The following FOXP2 variants were observed in gnomAD, a reference collection of about 807,000 sequenced individuals.
FOXP2 encodes forkhead box P2.
In FOXP2, 12 loss-of-function variants were observed where a neutral mutation model predicts 115.8. The observed-to-expected ratio is 0.10, with a 90% CI of 0.07 to 0.17. FOXP2 has a LOEUF of 0.17. FOXP2 is among the 10% of genes least tolerant of loss of function. The pLI is 1.00. For synonymous variants in FOXP2, 328 were observed against 297.7 expected, an observed-to-expected ratio of 1.10 and a Z score of -1.05; for missense variants, 629 against 843.5, an observed-to-expected ratio of 0.75 and a Z score of 3.15.
At position 114,308,057 on chromosome 7, in the gene FOXP2, G is replaced by A. The variant is rs1797057906; in HGVS notation, c.-11+19948G>A. On this transcript the variant is annotated intron_variant, in intron 2 of 17. Transcript: ENST00000634411. ...AGGGTCTAAGGTGTTTTCACTTAGT[G>A]CCGGGATTGTTGCTTTCACTCCATA... 2.0e-5 allele frequency among the ~76,000 whole-genome samples: 3 copies of A among 152,030 alleles called. No homozygotes were observed. The South Asian group carries it at 6.2e-4, about 32-fold the overall frequency.
chr7:114,403,654 T>A (rs1792948088), intron 2 of FOXP2, among the ~76,000 whole-genome samples: 1 of 152,138 alleles, frequency 6.6e-6, no homozygotes, highest in African/African-American at 2.4e-5. Context: ...CTTATCCTTG[T>A]CTCTAGCATT....
chr7:114,266,464 G>C (rs1795896758), intron 1 of FOXP2, among the ~76,000 whole-genome samples: 1 of 152,194 alleles, frequency 6.6e-6, no homozygotes, highest in African/African-American at 2.4e-5. Context: ...ACTCATGGTG[G>C]AAAGTGAAGC....
At chr7:114,278,099 T>G (rs1197326939) in intron 1 of FOXP2, among the ~76,000 whole-genome samples, 1 of 150,108 alleles carries the variant, frequency 6.7e-6, no homozygotes, top group Non-Finnish European at 1.5e-5. Flanking sequence ...CAAATGATGA[T>G]GTAAGAATTA....
intron 3 of FOXP2, among the ~76,000 whole-genome samples, chr7:114,624,932 T>C (rs899123072): frequency 6.6e-6 from 1 of 151,442 alleles, no homozygotes; most frequent in Non-Finnish European, 1.5e-5. Flanking sequence ...TTTTTTTTTT[T>C]ACTTTTACCA....
chr7:114,174,641 T>G (rs1226188944), intron 1 of FOXP2, among the ~76,000 whole-genome samples: 2 of 152,144 alleles, frequency 1.3e-5, no homozygotes, highest in Non-Finnish European at 2.9e-5. Flanking sequence ...ACAAGGTAAT[T>G]TATTTATTAA....
chr7:114,483,519 CTCTT>C (rs1199379530), intron 2 of FOXP2, among the ~76,000 whole-genome samples: 1 of 151,742 alleles, frequency 6.6e-6, no homozygotes, highest in East Asian at 1.9e-4. Flanking sequence ...GGTATTCTCT[CTCTT>C]CATTCATATA....
intron 2 of FOXP2, among the ~76,000 whole-genome samples, chr7:114,379,554 A>G (rs1183294937): frequency 6.6e-6 from 1 of 152,164 alleles, no homozygotes; most frequent in African/African-American, 2.4e-5. Context: ...CGACATCATT[A>G]ACATCAGAGA....
At chr7:114,656,151 T>C (rs1806575942) in intron 10 of FOXP2, among the ~76,000 whole-genome samples, 1 of 152,164 alleles carries the variant, frequency 6.6e-6, no homozygotes, top group South Asian at 2.1e-4. Flanking sequence ...ATTTCTCCTG[T>C]TTTGATAACT....
intron 1 of FOXP2, among the ~76,000 whole-genome samples, chr7:114,279,524 T>G (rs1392435165): frequency 6.6e-6 from 1 of 152,136 alleles, no homozygotes; most frequent in African/African-American, 2.4e-5. Flanking sequence ...ACATTTCCCC[T>G]AGTTTGACAA....
intron 3 of FOXP2, among the ~76,000 whole-genome samples, chr7:114,540,787 G>T (rs549322250): frequency 1.3e-5 from 2 of 152,162 alleles, no homozygotes; most frequent in African/African-American, 4.8e-5. Context: ...GTAGACATAG[G>T]AAATTCTGAG....
At chr7:114,673,856 C>T (rs1228965277) in intron 16 of FOXP2, among the ~76,000 whole-genome samples, 1 of 152,124 alleles carries the variant, frequency 6.6e-6, no homozygotes, top group Non-Finnish European at 1.5e-5. Flanking sequence ...CCTGCCACTA[C>T]ACCCGACTAA....
intron 2 of FOXP2, among the ~76,000 whole-genome samples, chr7:114,356,197 G>A (rs556504711): frequency 6.6e-6 from 1 of 152,230 alleles, no homozygotes; most frequent in East Asian, 1.9e-4. Context: ...TAAATAAAAT[G>A]TATCTTCTAT....
intron 1 of FOXP2, among the ~76,000 whole-genome samples, chr7:114,130,079 A>G (rs1317289361): frequency 1.3e-5 from 2 of 152,088 alleles, no homozygotes; most frequent in African/African-American, 4.8e-5. Context: ...ATTGGGAGAC[A>G]AAGGTGGGAG....
intron 1 of FOXP2, among the ~76,000 whole-genome samples, chr7:114,243,855 G>C (rs1223160748): frequency 6.6e-6 from 1 of 151,744 alleles, no homozygotes; most frequent in Non-Finnish European, 1.5e-5. Context: ...GCCAAAAGAA[G>C]TCACTGAGCC....
intron 2 of FOXP2, among the ~76,000 whole-genome samples, chr7:114,364,697 G>A (rs1389852587): frequency 1.3e-5 from 2 of 151,968 alleles, no homozygotes; most frequent in East Asian, 1.9e-4. Flanking sequence ...TTCCATAAAC[G>A]GTATGGATTT....
chr7:114,440,617 CA>C (rs1385024228), intron 2 of FOXP2, among the ~76,000 whole-genome samples: 1 of 152,114 alleles, frequency 6.6e-6, no homozygotes, highest in African/African-American at 2.4e-5. Flanking sequence ...ATCCATAGAA[CA>C]ATCTAAATTG....
chr7:114,214,071 G>A (rs1409316446), intron 1 of FOXP2, among the ~76,000 whole-genome samples: 1 of 152,170 alleles, frequency 6.6e-6, no homozygotes, highest in Admixed American at 6.5e-5. Context: ...AATGTTATCA[G>A]TCTCATCTTC....
chr7:114,613,799 C>A (rs779992832), intron 3 of FOXP2: 1 of 151,190 alleles, frequency 6.6e-6, no homozygotes, highest in South Asian at 2.1e-4. Context: ...CCTACAGCAC[C>A]CACTACCACC....
At chr7:114,375,464 T>C (rs963298555) in intron 2 of FOXP2, among the ~76,000 whole-genome samples, 1 of 152,142 alleles carries the variant, frequency 6.6e-6, no homozygotes, top group African/African-American at 2.4e-5. Context: ...CTTATCACAA[T>C]ATAGAAGTTT....
Sources: allele counts gnomAD v4.1 joint callset (sites outside exome capture counted in the v4.1 genomes callset), GRCh38; gene constraint gnomAD v4.1.1; transcripts MANE v1.5; gene names NCBI Gene and HGNC (gene_info 2026-07-23, HGNC 2026-07-21).